The following MEF2C variants were observed in gnomAD, a reference collection of about 807,000 sequenced individuals.
The protein encoded by MEF2C is myocyte-specific enhancer factor 2C.
In MEF2C, 6 loss-of-function variants were observed where a neutral mutation model predicts 50.5. That is an observed-to-expected ratio of 0.12 (90% CI 0.07 to 0.23). MEF2C has a LOEUF of 0.23. MEF2C is among the 10% of genes least tolerant of loss of function. The pLI is 1.00. For synonymous variants in MEF2C, 183 were observed against 228.0 expected (o/e 0.80, Z 1.78); for missense variants, 276 against 605.0 (o/e 0.46, Z 5.70).
intron 3 of MEF2C, among the ~76,000 whole-genome samples, chr5:88,779,641 A>G (rs1222474737): frequency 6.6e-6 from 1 of 151,970 alleles, no homozygotes; most frequent in African/African-American, 2.4e-5. Flanking sequence ...AGCATGAAGC[A>G]GAACATCTGA....
intron 1 of MEF2C, among the ~76,000 whole-genome samples, chr5:88,826,487 G>T (rs1810904435): frequency 6.6e-6 from 1 of 151,910 alleles, no homozygotes; most frequent in African/African-American, 2.4e-5. Context: ...ATGAAACGTG[G>T]TTTAGAACAT....
At chr5:88,746,051 G>A (rs1769361608) in intron 6 of MEF2C, among the ~76,000 whole-genome samples, 1 of 152,186 alleles carries the variant, frequency 6.6e-6, no homozygotes, top group South Asian at 2.1e-4. Context: ...AGTGGCAGAA[G>A]GGAAGAAGGT....
intron 3 of MEF2C, among the ~76,000 whole-genome samples, chr5:88,797,931 T>C (rs1490214086): frequency 6.6e-6 from 1 of 152,240 alleles, no homozygotes; most frequent in Non-Finnish European, 1.5e-5. Flanking sequence ...TATGAAATTC[T>C]GGGTTGAAAA....
chr5:88,748,517 G>A (rs1771063783), intron 6 of MEF2C, among the ~76,000 whole-genome samples: 1 of 152,204 alleles, frequency 6.6e-6, no homozygotes, highest in African/African-American at 2.4e-5. Flanking sequence ...CACAGTGTAA[G>A]AAGTTCTTAG....
intron 6 of MEF2C, chr5:88,746,713 C>T: frequency 4.1e-6 from 4 of 984,934 alleles, no homozygotes; most frequent in Non-Finnish European, 4.8e-6. Flanking sequence ...ATATATTCAG[C>T]CTGACATATG....
intron 3 of MEF2C, among the ~76,000 whole-genome samples, chr5:88,768,929 T>C (rs1482120108): frequency 6.6e-6 from 1 of 152,210 alleles, no homozygotes; most frequent in Non-Finnish European, 1.5e-5. Flanking sequence ...TTTTACATTA[T>C]TGAACGCTTA....
intron 4 of MEF2C, among the ~76,000 whole-genome samples, chr5:88,759,360 TAA>T (rs1469325520): frequency 6.6e-6 from 1 of 152,176 alleles, no homozygotes; most frequent in African/African-American, 2.4e-5. Context: ...CACATGCTTG[TAA>T]TCCTAGCTAT....
chr5:88,887,738 G>A (rs2150186201), upstream of MEF2C: 1 of 152,298 alleles, frequency 6.6e-6, no homozygotes, highest in South Asian at 2.1e-4. Context: ...TTGAATATAA[G>A]ACAACTGAAA....
At chr5:88,734,508 A>G (rs1170521209) in intron 6 of MEF2C, 17 of 982,662 alleles carry the variant, frequency 1.7e-5, no homozygotes, top group Non-Finnish European at 2.0e-5. Context: ...TGATATGACA[A>G]GCACTGGGCC....
At chr5:88,732,025 A>G (rs1761897237) in intron 6 of MEF2C, 124 bp from the exon 7 acceptor site, 1 of 873,152 alleles carries the variant, frequency 1.1e-6, no homozygotes, top group African/African-American at 1.7e-5. Context: ...AAACCATAGG[A>G]TGACTGATTT....
At chr5:88,890,888 A>T (rs548277721) in intron 1 of MEF2C, among the ~76,000 whole-genome samples, 1 of 152,330 alleles carries the variant, frequency 6.6e-6, no homozygotes, top group African/African-American at 2.4e-5. Flanking sequence ...AAGTTATGTC[A>T]TAAATTTGGA....
rs546508675 is a variant in MEF2C, at chr5:88,900,012, A to G, written c.-240+3904T>C. Among the ~76,000 whole-genome samples the G allele has an allele frequency of 2.6e-5, 4 of 152,150 alleles. No homozygotes were observed. In the East Asian group the frequency reaches 7.7e-4, roughly 29 times the overall value. ...CCATCTCTTTTTCTTATTAATTTAC[A>G]TGTCTGGGTTTTAAAGCTAATACTT... On this transcript the variant is annotated intron_variant, in intron 1 of 11. Coordinates refer to the MEF2C transcript ENST00000340208.
intron 2 of MEF2C, among the ~76,000 whole-genome samples, chr5:88,812,481 G>A (rs1352022950): frequency 6.6e-6 from 1 of 151,890 alleles, no homozygotes; most frequent in Non-Finnish European, 1.5e-5. Flanking sequence ...ACTTACATTT[G>A]GTAAAATTAA....
rs529112425 is a variant in MEF2C, at chr5:88,832,347, A to AT, written c.-142-8418dup. On this transcript the variant is annotated intron_variant, in intron 1 of 10. Transcript: ENST00000504921. The stretch of plus-strand genomic sequence containing the variant: ...ATTTAGAAGTTGGGCTTAATATTCT[A>AT]TTTTTTTTTTAACATTTGAAATTAT... Among the ~76,000 whole-genome samples the AT allele has an allele frequency of 9.8e-4, 146 of 149,590 alleles. 3 individuals carry two copies. The Middle Eastern group carries it at 0.017, about 18-fold the overall frequency.
intron 2 of MEF2C, among the ~76,000 whole-genome samples, chr5:88,819,167 C>A (rs370251146): frequency 6.6e-6 from 1 of 151,810 alleles, no homozygotes. Flanking sequence ...AAAACTATGC[C>A]TCTTAGCCAT....
intron 3 of MEF2C, chr5:88,771,398 A>G (rs1274125407): frequency 1.0e-6 from 1 of 980,672 alleles, no homozygotes; most frequent in Non-Finnish European, 1.2e-6. Context: ...AGGACACCCT[A>G]TTACCTAATG....
chr5:88,766,736 T>C (rs1204952792), intron 3 of MEF2C: 3 of 985,136 alleles, frequency 3.0e-6, no homozygotes, highest in Admixed American at 6.2e-5. Flanking sequence ...CTTTGTTGCA[T>C]AGGTAGTGTG....
intron 4 of MEF2C, among the ~76,000 whole-genome samples, chr5:88,753,560 T>G (rs1387226706): frequency 2.0e-5 from 3 of 152,154 alleles, no homozygotes; most frequent in Non-Finnish European, 2.9e-5. Flanking sequence ...CAGCTATTTT[T>G]TTGTATTTTT....
In MEF2C at chr5:88,722,591, A is replaced by G. The variant is rs373312204; in HGVS notation, c.*13T>C. 18 of 1,579,942 alleles carry G rather than the reference A, an allele frequency of 1.1e-5. No homozygotes were observed. Among genetic ancestry groups the G allele is most frequent in the Non-Finnish European group, 1.5e-5 (18 of 1,164,064 alleles). ...TGCAAGAAAAAAAAAAAAACTAGTA[A>G]GTAATAATCTGATCATGTTGCCCAT... On this transcript the variant is annotated 3_prime_UTR_variant, in exon 11 of 11. Transcript: ENST00000504921.
Sources: gnomAD v4.1 joint callset for allele counts (sites outside exome capture counted in the v4.1 genomes callset) on GRCh38, gnomAD v4.1.1 for gene constraint, MANE v1.5 for transcripts, NCBI Gene and HGNC (gene_info 2026-07-23, HGNC 2026-07-21) for gene names.